LEKR1: variants seen among roughly 807,000 people sequenced by gnomAD.
The protein encoded by LEKR1 is leucine, glutamate and lysine rich 1.
A neutral mutation model predicts 72.4 loss-of-function variants in LEKR1; 59 were observed. That is an observed-to-expected ratio of 0.82 (90% confidence interval 0.66 to 1.01). The LOEUF (loss-of-function observed/expected upper bound fraction) is 1.01, where lower values mean the gene tolerates loss of function less well. Ranked by LOEUF, LEKR1 falls within the 50% of genes least tolerant of loss-of-function variation. The pLI, the probability that LEKR1 is intolerant of heterozygous loss-of-function variation, is 0.00. For synonymous variants in LEKR1, 257 were observed against 263.2 expected (o/e 0.98, Z 0.23); for missense variants, 728 against 759.2 (o/e 0.96, Z 0.48).
At chr3:157,042,112 G>A (rs1249307769) in intron 12 of LEKR1, among the ~76,000 whole-genome samples, 6 of 152,168 alleles carry the variant, frequency 3.9e-5, no homozygotes, top group Non-Finnish European at 8.8e-5. Context: ...CTCAATTTTA[G>A]AGGAGGAGGT....
At chr3:156,829,860 A>G (rs1368900303) in intron 2 of LEKR1, among the ~76,000 whole-genome samples, 1 of 152,162 alleles carries the variant, frequency 6.6e-6, no homozygotes, top group Non-Finnish European at 1.5e-5. Flanking sequence ...AAGATTTGGA[A>G]TGGTTTGAAA....
chr3:156,878,504 T>C (rs1560045650), intron 3 of LEKR1, among the ~76,000 whole-genome samples: 2 of 152,242 alleles, frequency 1.3e-5, no homozygotes. Context: ...TAATATAATT[T>C]TGATTTTCTT....
chr3:156,865,076 G>C (rs1717157022), intron 3 of LEKR1, among the ~76,000 whole-genome samples: 1 of 151,930 alleles, frequency 6.6e-6, no homozygotes, highest in Non-Finnish European at 1.5e-5. Flanking sequence ...ATCTTCACCT[G>C]GCTGTATCAC....
rs147084992 is a variant in LEKR1 at position 156,860,113 on chromosome 3, G to A, written c.263+7131G>A. ...TTTCTATGCTGCTTATGTTATGTTC[G>A]GGGTGTTTCAGTTGTAAGGAGGATC... On this transcript the variant is annotated intron_variant, in intron 3 of 12. Transcript: ENST00000356539. 4.8e-3 allele frequency among the ~76,000 whole-genome samples: 731 copies of A among 152,074 alleles called. 4 individuals carry two copies. Among genetic ancestry groups the A allele is most frequent in the Middle Eastern group, 0.041 (12 of 294 alleles).
intron 2 of LEKR1, among the ~76,000 whole-genome samples, chr3:156,843,960 A>G (rs1345858270): frequency 6.6e-6 from 1 of 152,098 alleles, no homozygotes; most frequent in Non-Finnish European, 1.5e-5. Context: ...TTTGTGACCC[A>G]AGGTAGTTCA....
chr3:157,025,336 G>A (rs1263294862), intron 11 of LEKR1, among the ~76,000 whole-genome samples: 5 of 152,066 alleles, frequency 3.3e-5, no homozygotes, highest in African/African-American at 1.2e-4. Flanking sequence ...ATTTCTGAAT[G>A]AAGAGAAATA....
chr3:156,993,002 G>A, intron 8 of LEKR1, 72 bp from the exon 9 acceptor site: 3 of 768,838 alleles, frequency 3.9e-6, no homozygotes, highest in Non-Finnish European at 6.1e-6. Context: ...ATGAGCTCTT[G>A]ATACATCTTT....
At chr3:156,829,963 TA>T (rs1456343036) in intron 2 of LEKR1, among the ~76,000 whole-genome samples, 2 of 152,236 alleles carry the variant, frequency 1.3e-5, no homozygotes, top group Non-Finnish European at 2.9e-5. Context: ...GACACTAGTC[TA>T]TTTTGTCATT....
intron 3 of LEKR1, among the ~76,000 whole-genome samples, chr3:156,883,216 A>T (rs1282229014): frequency 1.6e-5 from 1 of 63,268 alleles, no homozygotes; most frequent in Non-Finnish European, 3.0e-5. Context: ...TCAGACTTGC[A>T]TGGGGCCTGT....
At chr3:156,844,906 GT>G (rs3060734) in intron 2 of LEKR1, among the ~76,000 whole-genome samples, 77 of 143,504 alleles carry the variant, frequency 5.4e-4, no homozygotes, top group Non-Finnish European at 6.7e-4. Context: ...GTAACTACAG[GT>G]TTTTTTTTTT....
At chr3:156,904,819 A>T (rs893075205) in intron 3 of LEKR1, among the ~76,000 whole-genome samples, 11 of 151,010 alleles carry the variant, frequency 7.3e-5, no homozygotes, top group African/African-American at 2.4e-4. Context: ...GTGTGTATTT[A>T]TTTTTTTTTA....
intron 3 of LEKR1, among the ~76,000 whole-genome samples, chr3:156,884,909 CA>C (rs1005149457): frequency 7.0e-4 from 106 of 152,186 alleles, no homozygotes; most frequent in African/African-American, 2.4e-3. Context: ...TCCTCAAGAG[CA>C]CCAATTATTC....
At chr3:156,942,312 A>G (rs1230069224) in intron 5 of LEKR1, among the ~76,000 whole-genome samples, 1 of 152,070 alleles carries the variant, frequency 6.6e-6, no homozygotes, top group Admixed American at 6.6e-5. Context: ...AATACTGTTA[A>G]AAGATTTCAT....
intron 6 of LEKR1, among the ~76,000 whole-genome samples, chr3:156,958,103 G>A (rs781350911): frequency 2.6e-5 from 4 of 152,098 alleles, no homozygotes; most frequent in East Asian, 1.9e-4. Flanking sequence ...CTCAACTAGC[G>A]ATGACAAGTA....
At chr3:156,868,873 C>CT (rs142898497) in intron 3 of LEKR1, among the ~76,000 whole-genome samples, 6,819 of 152,038 alleles carry the variant, frequency 0.045, 539 homozygotes, top group African/African-American at 0.16. Context: ...CCTCTGGTAT[C>CT]TATCAGTTTT....
At chr3:157,012,938 T>C (rs1032308585) in intron 10 of LEKR1, among the ~76,000 whole-genome samples, 3 of 152,078 alleles carry the variant, frequency 2.0e-5, no homozygotes, top group Non-Finnish European at 4.4e-5. Flanking sequence ...TCAACCCTAT[T>C]TTGTATAATC....
At chr3:156,859,530 G>A (rs1716510123) in intron 3 of LEKR1, among the ~76,000 whole-genome samples, 2 of 152,056 alleles carry the variant, frequency 1.3e-5, no homozygotes, top group Admixed American at 6.6e-5. Flanking sequence ...CACTCACACA[G>A]CCTCCTCTTC....
chr3:156,916,606 G>T (rs1723677097), intron 3 of LEKR1, among the ~76,000 whole-genome samples: 1 of 152,120 alleles, frequency 6.6e-6, no homozygotes, highest in African/African-American at 2.4e-5. Flanking sequence ...TGTTGATTTT[G>T]TATCCTGAAA....
intron 3 of LEKR1, among the ~76,000 whole-genome samples, chr3:156,872,604 G>A (rs1413803117): frequency 6.6e-6 from 1 of 151,904 alleles, no homozygotes; most frequent in Non-Finnish European, 1.5e-5. Context: ...TCTTAGCACT[G>A]CTTTTGCTAA....
Sources: allele counts gnomAD v4.1 joint callset (sites outside exome capture counted in the v4.1 genomes callset), GRCh38; gene constraint gnomAD v4.1.1; transcripts MANE v1.5; gene names NCBI Gene and HGNC (gene_info 2026-07-23, HGNC 2026-07-21).